CNTNAP2: variants seen among roughly 807,000 people sequenced by gnomAD.
The protein encoded by CNTNAP2 is contactin-associated protein-like 2.
A neutral mutation model predicts 155.2 loss-of-function variants in CNTNAP2; 98 were observed. The observed-to-expected ratio is 0.63, with a 90% CI of 0.54 to 0.75. The LOEUF is 0.75. Among genes scored for constraint, CNTNAP2 ranks in the 30% least tolerant of loss-of-function variants. The pLI, the probability that CNTNAP2 is intolerant of heterozygous loss-of-function variation, is 0.00. For missense variants in CNTNAP2, 1,727 were observed against 1,688.1 expected (o/e 1.02, Z -0.40); for synonymous variants, 651 against 631.2 (o/e 1.03, Z -0.47).
At chr7:146,679,377 G>A (rs1376171790) in intron 1 of CNTNAP2, among the ~76,000 whole-genome samples, 1 of 129,798 alleles carries the variant, frequency 7.7e-6, no homozygotes, top group African/African-American at 3.1e-5. Context: ...TGGAGACAGA[G>A]TCTCACATTG....
intron 8 of CNTNAP2, among the ~76,000 whole-genome samples, chr7:147,223,845 G>A (rs778833347): frequency 6.6e-6 from 1 of 150,720 alleles, no homozygotes; most frequent in African/African-American, 2.4e-5. Context: ...GGAGGCCAAG[G>A]CAGAAGAATC....
intron 1 of CNTNAP2, among the ~76,000 whole-genome samples, chr7:146,571,611 A>G (rs1265148161): frequency 6.6e-6 from 1 of 152,196 alleles, no homozygotes; most frequent in Non-Finnish European, 1.5e-5. Flanking sequence ...ATGTCAACCT[A>G]TTAATTTTGA....
chr7:147,499,176 C>T (rs1419993261), intron 11 of CNTNAP2, among the ~76,000 whole-genome samples: 1 of 152,080 alleles, frequency 6.6e-6, no homozygotes, highest in African/African-American at 2.4e-5. Context: ...TATCCACAGA[C>T]TTAAAAAATT....
chr7:146,847,214 T>C (rs1334753831), intron 3 of CNTNAP2, among the ~76,000 whole-genome samples: 1 of 152,186 alleles, frequency 6.6e-6, no homozygotes, highest in Non-Finnish European at 1.5e-5. Context: ...TCTACTCTGC[T>C]CAAGTGGTAA....
intron 6 of CNTNAP2, 101 bp downstream of exon 6, chr7:147,121,264 T>C: frequency 8.6e-7 from 1 of 1,156,380 alleles, no homozygotes; most frequent in Non-Finnish European, 1.2e-6. Flanking sequence ...TTACACCTTT[T>C]TTATTTTCTT....
chr7:146,128,202 A>G (rs1797664904), intron 1 of CNTNAP2, among the ~76,000 whole-genome samples: 1 of 152,222 alleles, frequency 6.6e-6, no homozygotes, highest in Admixed American at 6.5e-5. Flanking sequence ...GGTATTAGGG[A>G]ATGGTTGTAT....
chr7:146,599,591 G>A (rs74413442), intron 1 of CNTNAP2, among the ~76,000 whole-genome samples: 4,334 of 145,228 alleles, frequency 0.03, 94 homozygotes, highest in East Asian at 0.037. Flanking sequence ...TTTCCCCGCC[G>A]CCCATAATTC....
intron 13 of CNTNAP2, among the ~76,000 whole-genome samples, chr7:147,824,568 G>A (rs191187175): frequency 1.4e-4 from 22 of 152,100 alleles, no homozygotes; most frequent in East Asian, 5.8e-4. Flanking sequence ...TGTCTGTATC[G>A]CCAATATGAG....
chr7:146,706,654 A>G (rs1585050582), intron 1 of CNTNAP2, among the ~76,000 whole-genome samples: 1 of 152,122 alleles, frequency 6.6e-6, no homozygotes, highest in African/African-American at 2.4e-5. Flanking sequence ...TCCTTAGCAA[A>G]CTAACACAGA....
rs550411023 is a variant in CNTNAP2 at position 147,687,943 on chromosome 7, T to G, written c.2098+48637T>G. Among the ~76,000 whole-genome samples, 4 of 152,272 alleles carry G rather than the reference T, an allele frequency of 2.6e-5. No individual in the cohort carries two copies. In the South Asian group the frequency reaches 8.3e-4, roughly 32 times the overall value. Reference sequence around the variant, plus strand: ...ATTGAGAATGATTCTCATCCATTTGTGCTATTCCCATTTTGCAAGGAGGAC... The same window carrying G: ...ATTGAGAATGATTCTCATCCATTTGGGCTATTCCCATTTTGCAAGGAGGAC... On this transcript the variant is annotated intron_variant, in intron 13 of 23. Transcript: ENST00000361727.
intron 12 of CNTNAP2, among the ~76,000 whole-genome samples, chr7:147,610,443 A>C (rs1014754266): frequency 2.0e-5 from 3 of 152,160 alleles, no homozygotes; most frequent in Non-Finnish European, 2.9e-5. Flanking sequence ...GGGAGCTCAG[A>C]AAAAGCTCCT....
chr7:147,405,442 T>G (rs1212034604), intron 10 of CNTNAP2, among the ~76,000 whole-genome samples: 1 of 152,206 alleles, frequency 6.6e-6, no homozygotes, highest in Non-Finnish European at 1.5e-5. Flanking sequence ...CTCATGGACA[T>G]GTACCATTCT....
rs191643459 is a variant in CNTNAP2, at chr7:147,175,868, C to T, written c.1348+43359C>T. On this transcript the variant is annotated intron_variant, in intron 8 of 23. Transcript: ENST00000361727. ...AGCTCTCTAACTGCTCTATAATCAG[C>T]ATCAATTTGCGAACCTTTATCAAAC... Among the ~76,000 whole-genome samples, 50 of 152,294 alleles carry T rather than the reference C, an allele frequency of 3.3e-4. 1 individual carries two copies. The highest frequency in any genetic ancestry group is 1.1e-3 in the African/African-American group (45 of 41,572).
At chr7:147,789,003 C>T (rs1452513116) in intron 13 of CNTNAP2, among the ~76,000 whole-genome samples, 1 of 146,536 alleles carries the variant, frequency 6.8e-6, no homozygotes, top group Non-Finnish European at 1.5e-5. Flanking sequence ...CTCCTGGGCT[C>T]AAGAAATTCT....
At chr7:147,255,149 G>A (rs939423785) in intron 8 of CNTNAP2, among the ~76,000 whole-genome samples, 1 of 152,138 alleles carries the variant, frequency 6.6e-6, no homozygotes, top group East Asian at 1.9e-4. Flanking sequence ...TAGAGCAGCA[G>A]TAATGTGAAC....
chr7:146,369,425 A>C (rs958541415), intron 1 of CNTNAP2, among the ~76,000 whole-genome samples: 8 of 152,208 alleles, frequency 5.3e-5, no homozygotes, highest in Non-Finnish European at 1.2e-4. Context: ...GTTCTAAAAA[A>C]TTAAAGTGCA....
intron 1 of CNTNAP2, among the ~76,000 whole-genome samples, chr7:146,708,253 C>A (rs991946995): frequency 6.6e-5 from 10 of 152,038 alleles, no homozygotes; most frequent in Admixed American, 1.3e-4. Context: ...GAAGCTACTA[C>A]CTTCATTATA....
intron 14 of CNTNAP2, among the ~76,000 whole-genome samples, chr7:147,963,061 T>C (rs1439131362): frequency 6.6e-6 from 1 of 152,036 alleles, no homozygotes; most frequent in African/African-American, 2.4e-5. Flanking sequence ...CAGTTATTAT[T>C]ATACCACTGC....
intron 3 of CNTNAP2, among the ~76,000 whole-genome samples, chr7:146,916,811 T>C (rs1024188122): frequency 6.6e-6 from 1 of 152,180 alleles, no homozygotes; most frequent in Non-Finnish European, 1.5e-5. Flanking sequence ...TTTGTTTTGA[T>C]TTCATTTAGT....
Sources: allele counts gnomAD v4.1 joint callset (sites outside exome capture counted in the v4.1 genomes callset), GRCh38; gene constraint gnomAD v4.1.1; transcripts MANE v1.5; gene names NCBI Gene and HGNC (gene_info 2026-07-23, HGNC 2026-07-21).